Variants in SUCLG2 observed in about 807,000 individuals in gnomAD.
The protein encoded by SUCLG2 is succinate-CoA ligase GDP-forming subunit beta, also known as succinate--CoA ligase [GDP-forming] subunit beta, mitochondrial.
Under a neutral mutation model 47.9 loss-of-function variants are expected in SUCLG2, and 42 were observed. The ratio of observed to expected loss-of-function variants is 0.88; its 90% CI spans 0.69 to 1.14. The LOEUF (loss-of-function observed/expected upper bound fraction) is 1.14, where lower values mean the gene tolerates loss of function less well. Ranked by LOEUF, SUCLG2 falls within the 50% of genes most tolerant of loss-of-function variation. The pLI is 0.00. For missense variants in SUCLG2, 571 were observed against 525.9 expected (o/e 1.09, Z -0.84); for synonymous variants, 195 against 197.3 (o/e 0.99, Z 0.10).
At chr3:67,630,514 A>T (rs1234376619) in intron 1 of SUCLG2, among the ~76,000 whole-genome samples, 1 of 152,256 alleles carries the variant, frequency 6.6e-6, no homozygotes, top group Admixed American at 6.5e-5. Context: ...AGGCATCAAG[A>T]TAAATGTCCA....
chr3:67,600,461 G>A (rs1483263296), intron 2 of SUCLG2, among the ~76,000 whole-genome samples: 1 of 152,168 alleles, frequency 6.6e-6, no homozygotes, highest in African/African-American at 2.4e-5. Flanking sequence ...CTATTTTATA[G>A]TCAAGTAAAT....
At chr3:67,634,863 T>A (rs1700982468) in intron 1 of SUCLG2, among the ~76,000 whole-genome samples, 1 of 152,210 alleles carries the variant, frequency 6.6e-6, no homozygotes, top group Non-Finnish European at 1.5e-5. Context: ...AATGTGCACG[T>A]GTGTATATGT....
At chr3:67,397,454 A>G (rs972675454) in intron 10 of SUCLG2, among the ~76,000 whole-genome samples, 8 of 152,170 alleles carry the variant, frequency 5.3e-5, no homozygotes, top group African/African-American at 1.9e-4. Flanking sequence ...TAGGAATCCA[A>G]CTTACAAAGG....
At chr3:67,523,385 A>G (rs4856874) in intron 4 of SUCLG2, among the ~76,000 whole-genome samples, 8,583 of 152,274 alleles carry the variant, frequency 0.056, 343 homozygotes, top group East Asian at 0.17. Context: ...ACATGGTGTT[A>G]GAATTAGCAC....
intron 9 of SUCLG2, among the ~76,000 whole-genome samples, chr3:67,467,324 G>C (rs1318701209): frequency 6.6e-6 from 1 of 152,202 alleles, no homozygotes; most frequent in East Asian, 1.9e-4. Context: ...GGAATAGGAA[G>C]TTATTCAGTT....
intron 10 of SUCLG2, among the ~76,000 whole-genome samples, chr3:67,364,802 GA>G (rs60035350): frequency 8.6e-4 from 131 of 151,906 alleles, no homozygotes; most frequent in South Asian, 3.1e-3. Flanking sequence ...CAAGCTGAAT[GA>G]AAAAAAAGGT....
At chr3:67,459,946 C>G (rs1283919605) in intron 9 of SUCLG2, among the ~76,000 whole-genome samples, 1 of 151,974 alleles carries the variant, frequency 6.6e-6, no homozygotes, top group African/African-American at 2.4e-5. Context: ...GGGCTCCCTT[C>G]CCAGCTGCTT....
intron 6 of SUCLG2, among the ~76,000 whole-genome samples, chr3:67,517,543 C>G (rs1360679056): frequency 6.6e-6 from 1 of 152,100 alleles, no homozygotes; most frequent in Non-Finnish European, 1.5e-5. Flanking sequence ...CCCCACTAGA[C>G]ACATAATCAG....
intron 9 of SUCLG2, among the ~76,000 whole-genome samples, chr3:67,495,127 A>C (rs960497111): frequency 6.6e-6 from 1 of 152,198 alleles, no homozygotes; most frequent in African/African-American, 2.4e-5. Context: ...TACCTTCAGC[A>C]TCTTTATGGA....
At chr3:67,501,313 T>C (rs934720561) in intron 7 of SUCLG2, among the ~76,000 whole-genome samples, 1 of 152,174 alleles carries the variant, frequency 6.6e-6, no homozygotes, top group Non-Finnish European at 1.5e-5. Context: ...AGAAAAACTT[T>C]AAGGATGTAA....
chr3:67,642,916 CTCTGTGTGTG>C (rs1210732722), intron 1 of SUCLG2, among the ~76,000 whole-genome samples: 1 of 120,028 alleles, frequency 8.3e-6, no homozygotes, highest in Non-Finnish European at 1.9e-5. Flanking sequence ...CAGAAAAGGA[CTCTGTGTGTG>C]TGTGTGTGTG....
intron 2 of SUCLG2, among the ~76,000 whole-genome samples, chr3:67,605,293 T>C (rs1700388816): frequency 6.6e-6 from 1 of 152,238 alleles, no homozygotes; most frequent in Non-Finnish European, 1.5e-5. Context: ...GTGACAAGAA[T>C]GTAAATACTC....
At chr3:67,424,458 T>C (rs1299288471) in intron 9 of SUCLG2, among the ~76,000 whole-genome samples, 1 of 152,198 alleles carries the variant, frequency 6.6e-6, no homozygotes. Context: ...TGTTGCTCTC[T>C]GTAGCTACTT....
intron 9 of SUCLG2, among the ~76,000 whole-genome samples, chr3:67,441,334 C>T (rs1046266227): frequency 3.4e-4 from 52 of 151,076 alleles, no homozygotes; most frequent in African/African-American, 1.3e-3. Flanking sequence ...ATGTAACAAA[C>T]GTGCACATTC....
At chr3:67,473,092 T>C (rs1457016527) in intron 9 of SUCLG2, among the ~76,000 whole-genome samples, 2 of 152,210 alleles carry the variant, frequency 1.3e-5, no homozygotes, top group African/African-American at 2.4e-5. Flanking sequence ...TATGCATTTA[T>C]ACAGAAATGA....
In SUCLG2 at chr3:67,573,709, T is replaced by C. The variant is rs189823976; in HGVS notation, c.226+35746A>G. On this transcript the variant is annotated intron_variant, in intron 2 of 10. Coordinates refer to ENST00000307227, the MANE Select transcript of SUCLG2 (RefSeq NM_003848.4). ...GCCCCTCCTTTTCCTGTGTGAAACC[T>C]GGGATTCAAACGGCCTGGTGGGAAG... Among the ~76,000 whole-genome samples the C allele has an allele frequency of 6.7e-3, 1,016 of 152,254 alleles. 3 individuals carry two copies. Among genetic ancestry groups the C allele is most frequent in the Middle Eastern group, 0.01 (3 of 294 alleles).
rs770802819 is a variant in SUCLG2 at position 67,375,772 on chromosome 3, T to C, written c.1271A>G (p.Lys424Arg). ...CTTCTTGGCCACACTGGCCACAGCCTTCTTGGCTGCATCCTCCAGGTCAAT... is the reference window on the plus strand; with the variant it reads ...CTTCTTGGCCACACTGGCCACAGCCCTCTTGGCTGCATCCTCCAGGTCAAT... The part of the protein sequence containing the change: ...SAIDLEDAAK[K>R]AVASVAKK The change falls in exon 11 of 11, where the codon AAG becomes AGG. Residue 424 changes from lysine to arginine, a missense_variant. By Grantham distance (26) the Lys-to-Arg change is conservative (BLOSUM62 2). Transcript: ENST00000307227. 8.7e-6 allele frequency: 14 copies of C among 1,613,662 alleles called. No individual in the cohort carries two copies. The highest frequency in any genetic ancestry group is 1.2e-5 in the Non-Finnish European group (14 of 1,179,908).
chr3:67,378,497 G>A (rs1332522724), intron 10 of SUCLG2, among the ~76,000 whole-genome samples: 1 of 152,200 alleles, frequency 6.6e-6, no homozygotes, highest in Non-Finnish European at 1.5e-5. Flanking sequence ...TAATAGCCAA[G>A]GAGGAAGTGC....
chr3:67,527,509 G>A (rs961453826), intron 4 of SUCLG2, among the ~76,000 whole-genome samples: 3 of 152,128 alleles, frequency 2.0e-5, no homozygotes, highest in Non-Finnish European at 4.4e-5. Flanking sequence ...TTGGCAGGAG[G>A]GAGAGTTAGG....
Sources: allele counts gnomAD v4.1 joint callset (sites outside exome capture counted in the v4.1 genomes callset), GRCh38; gene constraint gnomAD v4.1.1; transcripts MANE v1.5; gene names NCBI Gene and HGNC (gene_info 2026-07-23, HGNC 2026-07-21).